The following THAP2 variants were observed in gnomAD, a reference collection of about 807,000 sequenced individuals.
THAP2 encodes the protein THAP domain-containing protein 2.
THAP2 carries 16 observed loss-of-function variants against 18.8 expected under a neutral mutation model. The observed-to-expected ratio is 0.85, with a 90% confidence interval of 0.58 to 1.29. The LOEUF (loss-of-function observed/expected upper bound fraction) is 1.29, where lower values mean the gene tolerates loss of function less well. Ranked by LOEUF, THAP2 falls within the 50% of genes most tolerant of loss-of-function variation. The pLI, the probability that THAP2 is intolerant of heterozygous loss-of-function variation, is 0.00. For synonymous variants in THAP2, 80 were observed against 89.2 expected (o/e 0.90, Z 0.58); for missense variants, 251 against 265.3 (o/e 0.95, Z 0.38).
At chr12:71,676,582 G>A in intron 2 of THAP2, 107 bp from the exon 3 acceptor site, 1 of 1,155,796 alleles carries the variant, frequency 8.7e-7, no homozygotes, top group Non-Finnish European at 1.2e-6. Context: ...TTTTAAAATT[G>A]ACTTTTAAAA....
chr12:71,678,541 G>A lies in THAP2; in HGVS notation c.*1433G>A, dbSNP rs1049700499. On this transcript the variant is annotated 3_prime_UTR_variant, in exon 3 of 3. Coordinates refer to ENST00000308086, the MANE Select transcript of THAP2 (RefSeq NM_031435.4). ...GAAATCATGTAAAAATTTGTTAATAGAGAATCAAGTTATTTAACTCAACTT... is the reference window on the plus strand; with the variant it reads ...GAAATCATGTAAAAATTTGTTAATAAAGAATCAAGTTATTTAACTCAACTT... 10 of 152,266 alleles carry A rather than the reference G, an allele frequency of 6.6e-5. No individual in the cohort carries two copies. The highest frequency in any genetic ancestry group is 1.2e-4 in the Non-Finnish European group (8 of 68,016). 9.4% of individuals were successfully genotyped at this position (152,266 alleles called of 1,614,324 possible).
intron 1 of THAP2, among the ~76,000 whole-genome samples, chr12:71,670,539 T>G (rs1033754783): frequency 3.9e-5 from 6 of 152,168 alleles, no homozygotes; most frequent in Non-Finnish European, 5.9e-5. Context: ...AAAATTCAAC[T>G]AATAGCCTTA....
intron 1 of THAP2, 25 bp downstream of exon 1, chr12:71,664,605 G>T: frequency 6.2e-7 from 1 of 1,613,690 alleles, no homozygotes; most frequent in Non-Finnish European, 8.5e-7. Context: ...GAGTGGGGGT[G>T]ACGGAAACTG....
rs1297948653 is a variant in THAP2, at chr12:71,664,495, G to C, written c.-15G>C. The C allele has an allele frequency of 1.2e-6, 2 of 1,614,034 alleles. No homozygotes were observed. The highest frequency in any genetic ancestry group is 2.7e-5 in the African/African-American group (2 of 74,906). ...CAGTAGAGACCTAAGGGCGCTGAATGAGTGGGAAAGGGAAATGCCGACCAA... is the reference window on the plus strand; with the variant it reads ...CAGTAGAGACCTAAGGGCGCTGAATCAGTGGGAAAGGGAAATGCCGACCAA... On this transcript the variant is annotated 5_prime_UTR_variant, in exon 1 of 3. It removes an upstream start codon present in the reference 5' UTR. Coordinates refer to ENST00000308086, the MANE Select transcript of THAP2 (RefSeq NM_031435.4).
rs1159226111 is a variant in THAP2 at position 71,664,350 on chromosome 12, C to T, written c.-160C>T. On this transcript the variant is annotated 5_prime_UTR_variant, in exon 1 of 3. Coordinates refer to ENST00000308086, the MANE Select transcript of THAP2 (RefSeq NM_031435.4). ...AGGGAAGGCTGACCGTCCTTCGCCT[C>T]CGCCCCCACATACACACCCCTTCTT... 1 of 761,354 alleles carries T rather than the reference C, an allele frequency of 1.3e-6. No individual in the cohort carries two copies. The highest frequency in any genetic ancestry group is 2.2e-6 in the Non-Finnish European group (1 of 461,630). The allele number at this position is 761,354 out of a possible 1,614,324, so 47.2% of individuals were successfully genotyped here.
chr12:71,665,112 G>A, intron 1 of THAP2: 1 of 596,278 alleles, frequency 1.7e-6, no homozygotes, highest in Non-Finnish European at 3.0e-6. Context: ...GTTCTTACTA[G>A]AATAGAGTAA....
At chr12:71,673,314 G>C (rs1234627690) in intron 1 of THAP2, among the ~76,000 whole-genome samples, 1 of 151,412 alleles carries the variant, frequency 6.6e-6, no homozygotes, top group Non-Finnish European at 1.5e-5. Context: ...CAGGCTACAT[G>C]GTTTGTCTGC....
chr12:71,673,469 G>T (rs1401852885), intron 1 of THAP2, among the ~76,000 whole-genome samples: 4 of 152,020 alleles, frequency 2.6e-5, no homozygotes, highest in Admixed American at 2.0e-4. Flanking sequence ...TTGCTACAAA[G>T]CATTTTACCT....
intron 1 of THAP2, among the ~76,000 whole-genome samples, chr12:71,673,063 GTTA>G (rs1036296139): frequency 5.9e-5 from 9 of 152,106 alleles, no homozygotes; most frequent in African/African-American, 2.2e-4. Flanking sequence ...GTTTTATGCA[GTTA>G]TTATTATACT....
At chr12:71,664,735 C>A in intron 1 of THAP2, 155 bp downstream of exon 1, 1 of 851,090 alleles carries the variant, frequency 1.2e-6, no homozygotes, top group Non-Finnish European at 1.9e-6. Flanking sequence ...CAAATCTGCC[C>A]AATTGTTCTC....
chr12:71,666,541 AAAG>A (rs1435677035), intron 1 of THAP2, among the ~76,000 whole-genome samples: 2 of 152,114 alleles, frequency 1.3e-5, no homozygotes, highest in Non-Finnish European at 2.9e-5. Flanking sequence ...AAACAAAAAA[AAAG>A]AGATGGATGG....
At chr12:71,671,926 C>A (rs1881445464) in intron 1 of THAP2, among the ~76,000 whole-genome samples, 1 of 152,164 alleles carries the variant, frequency 6.6e-6, no homozygotes, top group South Asian at 2.1e-4. Context: ...CAGCGTACTT[C>A]CTAAATTCAA....
At chr12:71,673,270 T>C (rs374397271) in intron 1 of THAP2, among the ~76,000 whole-genome samples, 29 of 152,296 alleles carry the variant, frequency 1.9e-4, no homozygotes, top group African/African-American at 6.7e-4. Flanking sequence ...TATGTATTAA[T>C]GACATACCTT....
chr12:71,673,289 T>C (rs1881471785), intron 1 of THAP2, among the ~76,000 whole-genome samples: 2 of 152,128 alleles, frequency 1.3e-5, no homozygotes, highest in Non-Finnish European at 2.9e-5. Context: ...TTTTTCTTAA[T>C]TTTTTTGATG....
intron 1 of THAP2, among the ~76,000 whole-genome samples, chr12:71,667,316 C>G (rs1184164315): frequency 6.6e-6 from 1 of 152,168 alleles, no homozygotes; most frequent in East Asian, 1.9e-4. Context: ...TAAGCCAGGT[C>G]TTCACATTCG....
rs1948922307 is a variant in THAP2 at position 71,677,377 on chromosome 12, TA to T, written c.*272del. On this transcript the variant is annotated 3_prime_UTR_variant, in exon 3 of 3. Transcript: ENST00000308086. Reference sequence around the variant, plus strand: ...AAGGTGTTTTTTGTTTTTGTCTTTTTAAACTACTGTTAAAAGAACAGCTTAT... The same window carrying T: ...AAGGTGTTTTTTGTTTTTGTCTTTTTAACTACTGTTAAAAGAACAGCTTAT... 4 of 237,120 alleles carry T rather than the reference TA, an allele frequency of 1.7e-5. No homozygotes were observed. In the South Asian group the frequency reaches 4.3e-4, roughly 26 times the overall value. 14.7% of individuals were successfully genotyped at this position (237,120 alleles called of 1,614,324 possible).
rs1170130903 is a variant in THAP2, at chr12:71,680,373, T to A, written c.*3265T>A. The A allele has an allele frequency of 7.2e-5, 11 of 152,578 alleles. No homozygotes were observed. The highest frequency in any genetic ancestry group is 1.5e-4 in the Non-Finnish European group (10 of 68,010). The allele number at this position is 152,578 out of a possible 1,614,324, so 9.5% of individuals were successfully genotyped here. A position where few individuals can be genotyped will look rare whatever the true frequency, so the allele number is the denominator to read the frequency against. ...AATCATGTGTCTTAAAATATGAAAA[T>A]AGTAAAGTCTTTGAGGTCACTTGAT... On this transcript the variant is annotated 3_prime_UTR_variant, in exon 3 of 3. Transcript: ENST00000308086.
Position 71,676,959 on chromosome 12 carries a change from A to T in THAP2, c.538A>T (p.Ser180Cys). The T allele has an allele frequency of 6.2e-7, 1 of 1,613,804 alleles. No individual in the cohort carries two copies. Among genetic ancestry groups the T allele is most frequent in the Non-Finnish European group, 8.5e-7 (1 of 1,179,728 alleles). Residue 180 changes from serine (S) to cysteine (C), a missense_variant, in exon 3 of 3, where the codon AGT becomes TGT. Physicochemically the swap from Ser to Cys is moderately radical, Grantham distance 112. Coordinates refer to ENST00000308086, the MANE Select transcript of THAP2 (RefSeq NM_031435.4). ...TTTGGTAAAGAATTTAGAAGCAAAT[A>T]GTGTATTACCTAAAGGTACATCAGA... ...TCLVKNLEAN[S>C]VLPKGTSEHM... is the part of the protein sequence containing the mutation.
chr12:71,671,311 CT>C (rs1330635424), intron 1 of THAP2, among the ~76,000 whole-genome samples: 1 of 152,180 alleles, frequency 6.6e-6, no homozygotes, highest in East Asian at 1.9e-4. Flanking sequence ...AATCAGAACC[CT>C]TCTGCCAGAT....
Sources: allele counts gnomAD v4.1 joint callset (sites outside exome capture counted in the v4.1 genomes callset), GRCh38; gene constraint gnomAD v4.1.1; transcripts MANE v1.5; gene names NCBI Gene and HGNC (gene_info 2026-07-23, HGNC 2026-07-21).